FARS2: variants seen among roughly 807,000 people sequenced by gnomAD.
FARS2 encodes the protein phenylalanyl-tRNA synthetase 2, mitochondrial, also known as phenylalanine--tRNA ligase, mitochondrial.
Under a neutral mutation model 46.4 loss-of-function variants are expected in FARS2, and 40 were observed. The observed-to-expected ratio is 0.86, with a 90% CI of 0.67 to 1.12. The LOEUF (loss-of-function observed/expected upper bound fraction) is 1.12. FARS2 is among the 50% of genes most tolerant of loss of function. FARS2 has a pLI of 0.00. For synonymous variants in FARS2, 234 were observed against 214.9 expected (o/e 1.09, Z -0.78); for missense variants, 513 against 567.9 (o/e 0.90, Z 0.98).
intron 5 of FARS2, among the ~76,000 whole-genome samples, chr6:5,571,467 G>A (rs1054646623): frequency 3.3e-5 from 5 of 152,184 alleles, no homozygotes; most frequent in African/African-American, 1.2e-4. Context: ...TGAAGCATGG[G>A]AGGTTGAAAA....
chr6:5,394,700 G>A (rs983211113), intron 2 of FARS2, among the ~76,000 whole-genome samples: 1 of 152,066 alleles, frequency 6.6e-6, no homozygotes, highest in African/African-American at 2.4e-5. Context: ...GTGACATGGA[G>A]TAGGGGCTGT....
chr6:5,611,370 A>C (rs1345186071), intron 5 of FARS2, among the ~76,000 whole-genome samples: 1 of 152,144 alleles, frequency 6.6e-6, no homozygotes, highest in Non-Finnish European at 1.5e-5. Flanking sequence ...AGCTTTTAGG[A>C]ATTGGAGGCT....
At chr6:5,291,616 T>C (rs776835074) in intron 1 of FARS2, among the ~76,000 whole-genome samples, 5 of 152,214 alleles carry the variant, frequency 3.3e-5, no homozygotes, top group Non-Finnish European at 7.3e-5. Context: ...GAATTAAATA[T>C]TGAATAGCTG....
At chr6:5,615,983 A>C (rs1386462247) in intron 6 of FARS2, among the ~76,000 whole-genome samples, 2 of 146,020 alleles carry the variant, frequency 1.4e-5, no homozygotes, top group African/African-American at 5.1e-5. Flanking sequence ...TAGAGACTTT[A>C]CACTTCAGAT....
intron 2 of FARS2, among the ~76,000 whole-genome samples, chr6:5,376,281 T>C (rs1224712378): frequency 1.3e-5 from 2 of 152,330 alleles, no homozygotes; most frequent in African/African-American, 4.8e-5. Flanking sequence ...CATGACTGGC[T>C]GATAAACAAG....
intron 6 of FARS2, among the ~76,000 whole-genome samples, chr6:5,667,257 C>T (rs184588477): frequency 1.3e-3 from 191 of 152,154 alleles, no homozygotes; most frequent in African/African-American, 4.2e-3. Flanking sequence ...CAGTGGCTCA[C>T]GCCTGTAATC....
In FARS2 at chr6:5,471,675, G is replaced by A. The variant is rs1455906986; in HGVS notation, c.904+40503G>A. Among the ~76,000 whole-genome samples the A allele has an allele frequency of 2.6e-5, 4 of 152,212 alleles. No homozygotes were observed. The highest frequency in any genetic ancestry group is 5.9e-5 in the Non-Finnish European group (4 of 68,038). On this transcript the variant is annotated intron_variant, in intron 4 of 6. Transcript: ENST00000274680. This position sits in a 1 kb window ranked among gnomAD's most constrained non-coding sequence, Gnocchi z 4.1. Reference sequence around the variant, plus strand: ...CAGTCCTGGAATCCTATTGCCTAGTGTAGGCAGATCATATTCTGTATGATC... The same window carrying A: ...CAGTCCTGGAATCCTATTGCCTAGTATAGGCAGATCATATTCTGTATGATC...
chr6:5,296,429 C>A (rs1252679140), intron 1 of FARS2, among the ~76,000 whole-genome samples: 4 of 152,234 alleles, frequency 2.6e-5, no homozygotes, highest in Non-Finnish European at 4.4e-5. Flanking sequence ...GCGTGCGCCA[C>A]TGTGCCTGGC....
chr6:5,585,175 A>C (rs999570952), intron 5 of FARS2, among the ~76,000 whole-genome samples: 3 of 152,164 alleles, frequency 2.0e-5, no homozygotes, highest in African/African-American at 7.2e-5. Context: ...TTTATTTTAA[A>C]ATATTTAATT....
At chr6:5,369,283 T>G in intron 2 of FARS2, 101 bp downstream of exon 2, 1 of 1,168,716 alleles carries the variant, frequency 8.6e-7, no homozygotes, top group Non-Finnish European at 1.2e-6. Context: ...TCATCCTTGC[T>G]TGCCTTATTT....
chr6:5,494,138 T>C (rs1323695690), intron 4 of FARS2, among the ~76,000 whole-genome samples: 2 of 151,924 alleles, frequency 1.3e-5, no homozygotes, highest in Non-Finnish European at 2.9e-5. Flanking sequence ...TTTTTTTTTT[T>C]TGTGGTGTCA....
intron 6 of FARS2, among the ~76,000 whole-genome samples, chr6:5,683,629 GT>G (rs1436458918): frequency 1.3e-5 from 2 of 150,754 alleles, no homozygotes; most frequent in East Asian, 3.9e-4. Context: ...TTTACTTTAA[GT>G]TCCGGGATTC....
chr6:5,444,745 G>A lies in FARS2; in HGVS notation c.904+13573G>A, dbSNP rs191475591. On this transcript the variant is annotated intron_variant, in intron 4 of 6. Coordinates refer to ENST00000274680, the MANE Select transcript of FARS2 (RefSeq NM_006567.5). ...CCCCCCACTCCTCATCCCAATGTTC[G>A]TTATTCTTTCTTCAGGCTCATGGAA... 2.7e-4 allele frequency among the ~76,000 whole-genome samples: 41 copies of A among 151,320 alleles called. No individual in the cohort carries two copies. In the East Asian group the frequency reaches 6.3e-3, roughly 23 times the overall value.
intron 6 of FARS2, among the ~76,000 whole-genome samples, chr6:5,731,590 T>C (rs62408102): frequency 0.13 from 19,378 of 152,170 alleles, 1,573 homozygotes; most frequent in Non-Finnish European, 0.19. Flanking sequence ...CCCTTTGATC[T>C]CCTGTGTACT....
At position 5,409,920 on chromosome 6, in the gene FARS2, G is replaced by A. The variant is rs957970263; in HGVS notation, c.772+5219G>A. On this transcript the variant is annotated intron_variant, in intron 3 of 6. Transcript: ENST00000274680. ...GAGCTTGTCCCCGACCGTGTTTGCC[G>A]TGTTTGTGACGTCCGCTGTATTGCC... Among the ~76,000 whole-genome samples, 7 of 152,112 alleles carry A rather than the reference G, an allele frequency of 4.6e-5. No homozygotes were observed. In the East Asian group the frequency reaches 1.2e-3, roughly 25 times the overall value.
At chr6:5,322,864 G>T (rs1170128304) in intron 1 of FARS2, among the ~76,000 whole-genome samples, 1 of 152,154 alleles carries the variant, frequency 6.6e-6, no homozygotes, top group Non-Finnish European at 1.5e-5. Flanking sequence ...GTGATTATTA[G>T]AGTTTGATAA....
At chr6:5,567,676 T>C (rs1359903328) in intron 5 of FARS2, among the ~76,000 whole-genome samples, 5 of 152,248 alleles carry the variant, frequency 3.3e-5, no homozygotes. Flanking sequence ...AAAGAGTTGA[T>C]TCTAAGAGTC....
At chr6:5,367,122 T>G (rs1758734391) in intron 1 of FARS2, among the ~76,000 whole-genome samples, 1 of 152,244 alleles carries the variant, frequency 6.6e-6, no homozygotes, top group African/African-American at 2.4e-5. Flanking sequence ...CCATTCAACT[T>G]GCAGCTAGAT....
intron 1 of FARS2, among the ~76,000 whole-genome samples, chr6:5,299,584 C>T (rs1469727318): frequency 6.6e-6 from 1 of 152,132 alleles, no homozygotes; most frequent in Non-Finnish European, 1.5e-5. Flanking sequence ...CTTGGCCTTG[C>T]TTTTGTTTAA....
Sources: gnomAD v4.1 joint callset for allele counts (sites outside exome capture counted in the v4.1 genomes callset) on GRCh38, gnomAD v4.1.1 for gene constraint, Gnocchi (gnomAD v3.1) non-coding constraint, MANE v1.5 for transcripts, NCBI Gene and HGNC (gene_info 2026-07-23, HGNC 2026-07-21) for gene names.